Variants in EPB41L2 observed in about 807,000 individuals in gnomAD.
EPB41L2 encodes band 4.1-like protein 2.
In EPB41L2, 43 loss-of-function variants were observed where a neutral mutation model predicts 113.0. The ratio of observed to expected loss-of-function variants is 0.38; its 90% confidence interval spans 0.30 to 0.49. The LOEUF is 0.49. Among genes scored for constraint, EPB41L2 ranks in the 20% least tolerant of loss-of-function variants. The pLI, the probability that EPB41L2 is intolerant of heterozygous loss-of-function variation, is 0.95. For synonymous variants in EPB41L2, 442 were observed against 436.7 expected, an observed-to-expected ratio of 1.01 and a Z score of -0.15; for missense variants, 1,147 against 1,223.4, an observed-to-expected ratio of 0.94 and a Z score of 0.93.
At chr6:130,846,721 C>T (rs923512079) in intron 19 of EPB41L2, among the ~76,000 whole-genome samples, 2 of 152,150 alleles carry the variant, frequency 1.3e-5, no homozygotes, top group African/African-American at 2.4e-5. Context: ...CTGGGTTGAC[C>T]TTCCTGAGCC....
At chr6:131,046,014 A>G (rs2128189840) in intron 1 of EPB41L2, among the ~76,000 whole-genome samples, 1 of 148,406 alleles carries the variant, frequency 6.7e-6, no homozygotes, top group Admixed American at 6.8e-5. Context: ...TGGCAAGATC[A>G]TAGCTCACTG....
At chr6:131,035,720 T>A (rs1194292295) in intron 1 of EPB41L2, among the ~76,000 whole-genome samples, 2 of 152,206 alleles carry the variant, frequency 1.3e-5, no homozygotes, top group African/African-American at 4.8e-5. Flanking sequence ...ACTTTACCTC[T>A]CTAAATTTCA....
At chr6:131,019,517 A>C (rs955127375) in intron 1 of EPB41L2, among the ~76,000 whole-genome samples, 2 of 152,198 alleles carry the variant, frequency 1.3e-5, no homozygotes, top group Admixed American at 6.5e-5. Context: ...CATATTGCTA[A>C]GTATAATGTT....
At chr6:130,941,764 C>A (rs1399738028) in intron 3 of EPB41L2, among the ~76,000 whole-genome samples, 1 of 152,132 alleles carries the variant, frequency 6.6e-6, no homozygotes, top group Non-Finnish European at 1.5e-5. Context: ...GCTAAAATGG[C>A]ATATTCTGCA....
chr6:131,053,434 T>G (rs1279497497), intron 1 of EPB41L2, among the ~76,000 whole-genome samples: 1 of 88,906 alleles, frequency 1.1e-5, no homozygotes, highest in Non-Finnish European at 2.2e-5. Context: ...ATGGAAATGA[T>G]AAAAAAAAAA....
chr6:130,865,497 T>C lies in EPB41L2; in HGVS notation c.2829+39A>G, dbSNP rs200774281. The C allele has an allele frequency of 1.4e-4, 223 of 1,575,622 alleles. 1 individual carries two copies. In the East Asian group the frequency reaches 4.6e-3, roughly 32 times the overall value. ...AATTCAGAAAAGATTCTGTCTGTAA[T>C]GTACCATCCTCTCCATATGATCCCC... is the stretch of plus-strand genomic sequence containing the variant. On this transcript the variant is annotated intron_variant, in intron 17 of 19. Transcript: ENST00000337057.
At chr6:130,977,294 T>A (rs1470587553) in intron 1 of EPB41L2, among the ~76,000 whole-genome samples, 2 of 152,170 alleles carry the variant, frequency 1.3e-5, no homozygotes, top group East Asian at 3.8e-4. Flanking sequence ...ATCTCAATGT[T>A]CATGTACCTC....
At chr6:130,856,112 A>T (rs1318886563) in intron 19 of EPB41L2, among the ~76,000 whole-genome samples, 1 of 152,248 alleles carries the variant, frequency 6.6e-6, no homozygotes, top group East Asian at 1.9e-4. Flanking sequence ...CTTTCTCATC[A>T]TTTAGAAAAA....
Position 130,867,507 on chromosome 6 carries a change from G to A in EPB41L2, c.2682C>T (p.Val894=). ...TTTTGGTCTCAGTTTGGACAATGGG[G>A]ACTTCCTTGGTGGAGATTTCTGTCC... ...SQRTEISTKE[V]PIVQTETKTI... The change falls in exon 16 of 20, where the codon GTC becomes GTT. Residue 894 remains valine, a synonymous_variant. Coordinates refer to ENST00000337057, the MANE Select transcript of EPB41L2 (RefSeq NM_001431.4). 6.2e-7 allele frequency: 1 copy of A among 1,614,020 alleles called. No individual in the cohort carries two copies. Among genetic ancestry groups the A allele is most frequent in the East Asian group, 2.2e-5 (1 of 44,858 alleles).
Position 130,984,138 on chromosome 6 carries a change from C to T in EPB41L2, c.-14-27639G>A, listed in dbSNP as rs558610053. Among the ~76,000 whole-genome samples the T allele has an allele frequency of 4.6e-5, 7 of 152,290 alleles. No individual in the cohort carries two copies. The East Asian group carries it at 1.4e-3, about 29-fold the overall frequency. On this transcript the variant is annotated intron_variant, in intron 1 of 19. Coordinates refer to ENST00000337057, the MANE Select transcript of EPB41L2 (RefSeq NM_001431.4). ...AATCATCACTATCACTGTCTTCCAC[C>T]TCCATATCTTGTGCTTTTAGAAGGT... is the stretch of plus-strand genomic sequence containing the variant.
chr6:130,851,683 G>A (rs1237435988), intron 19 of EPB41L2, among the ~76,000 whole-genome samples: 1 of 152,210 alleles, frequency 6.6e-6, no homozygotes. Context: ...CTACCACACT[G>A]AAACAGCTCT....
At chr6:130,913,162 G>C (rs1799936284) in intron 4 of EPB41L2, among the ~76,000 whole-genome samples, 2 of 152,054 alleles carry the variant, frequency 1.3e-5, no homozygotes, top group South Asian at 4.2e-4. Flanking sequence ...GTTTCTATAG[G>C]GCATGGTAAG....
In EPB41L2 at chr6:130,955,398, A is replaced by G. The variant is rs1304054155; in HGVS notation, c.493-81T>C. On this transcript the variant is annotated intron_variant, in intron 2 of 19. Transcript: ENST00000337057. ...ACATACTAAAAGGAAAATCTTTCAT[A>G]AGAATTAGGATCGTTACTTTAAACA... The G allele has an allele frequency of 1.2e-5, 16 of 1,309,830 alleles. No individual in the cohort carries two copies. The Middle Eastern group carries it at 6.5e-4, about 53-fold the overall frequency. The allele number at this position is 1,309,830 out of a possible 1,614,324, so 81.1% of individuals were successfully genotyped here. A position where few individuals can be genotyped will look rare whatever the true frequency, so the allele number is the denominator to read the frequency against.
intron 18 of EPB41L2, among the ~76,000 whole-genome samples, chr6:130,863,129 T>C (rs535945439): frequency 6.6e-6 from 1 of 152,224 alleles, no homozygotes; most frequent in African/African-American, 2.4e-5. Flanking sequence ...TCAGAATCAA[T>C]GTAAATTTTC....
intron 5 of EPB41L2, among the ~76,000 whole-genome samples, chr6:130,905,376 T>A (rs897481672): frequency 2.0e-5 from 3 of 151,986 alleles, no homozygotes; most frequent in Non-Finnish European, 4.4e-5. Flanking sequence ...TTCAAGTTCA[T>A]AATATTTTTA....
chr6:130,912,893 G>GA lies in EPB41L2; in HGVS notation c.811-4031dup, dbSNP rs774755990. Among the ~76,000 whole-genome samples, 116 of 151,080 alleles carry GA rather than the reference G, an allele frequency of 7.7e-4. 1 individual carries two copies. Among genetic ancestry groups the GA allele is most frequent in the Middle Eastern group, 6.8e-3 (2 of 292 alleles). On this transcript the variant is annotated intron_variant, in intron 4 of 19. Coordinates refer to ENST00000337057, the MANE Select transcript of EPB41L2 (RefSeq NM_001431.4). Reference sequence around the variant, plus strand: ...AAATTGAATGGCGCCAAATTGAAAAGAAAAAAAAAGTCCCCAGAATATTAA... The same window carrying GA: ...AAATTGAATGGCGCCAAATTGAAAAGAAAAAAAAAAGTCCCCAGAATATTAA...
Position 130,956,281 on chromosome 6 carries a change from A to T in EPB41L2, c.205T>A (p.Ser69Thr). The change falls in exon 2 of 20, where the codon TCG becomes ACG. Residue 69 changes from serine (S) to threonine (T), a missense_variant. Transcript: ENST00000337057. ...LRRQKREKET[S>T]ESRGISRFIP... The stretch of plus-strand genomic sequence containing the variant: ...AACCGAGAAATACCCCTGCTCTCCG[A>T]TGTTTCCTTCTCTCTCTTCTGGCGG... 1 of 1,613,982 alleles carries T rather than the reference A, an allele frequency of 6.2e-7. No homozygotes were observed. Among genetic ancestry groups the T allele is most frequent in the Non-Finnish European group, 8.5e-7 (1 of 1,179,990 alleles).
At chr6:130,979,048 G>A (rs959645177) in intron 1 of EPB41L2, among the ~76,000 whole-genome samples, 1 of 152,116 alleles carries the variant, frequency 6.6e-6, no homozygotes, top group Non-Finnish European at 1.5e-5. Flanking sequence ...ACAGGACAAG[G>A]GAAGCAACAC....
chr6:130,895,152 G>C (rs751105054), intron 8 of EPB41L2, 33 bp from the exon 9 acceptor site: 4 of 1,562,600 alleles, frequency 2.6e-6, no homozygotes, highest in Non-Finnish European at 3.5e-6. Context: ...CCATGGTTAA[G>C]AGCTGTGAAA....
Sources: gnomAD v4.1 joint callset for allele counts (sites outside exome capture counted in the v4.1 genomes callset) on GRCh38, gnomAD v4.1.1 for gene constraint, MANE v1.5 for transcripts, NCBI Gene and HGNC (gene_info 2026-07-23, HGNC 2026-07-21) for gene names.